The following STARD8 variants were observed in gnomAD, a reference collection of about 807,000 sequenced individuals.
The protein encoded by STARD8 is stAR-related lipid transfer protein 8.
Under a neutral mutation model 69.4 loss-of-function variants are expected in STARD8, and 25 were observed. That is an observed-to-expected ratio of 0.36 (90% confidence interval 0.26 to 0.50). STARD8 has a LOEUF of 0.50. STARD8 is among the 20% of genes least tolerant of loss of function. The pLI, the probability that STARD8 is intolerant of heterozygous loss-of-function variation, is 0.96. For synonymous variants in STARD8, 389 were observed against 374.6 expected (o/e 1.04, Z -0.45); for missense variants, 921 against 932.5 (o/e 0.99, Z 0.16).
At chrX:68,660,882 G>T in intron 1 of STARD8, among the ~76,000 whole-genome samples, 1 of 112,374 alleles carries the variant, frequency 8.9e-6, no homozygotes. Context: ...CTCAGGATAG[G>T]CCTGGGGGCG....
chrX:68,650,857 G>A (rs749197553), intron 1 of STARD8, among the ~76,000 whole-genome samples: 2 of 111,543 alleles, frequency 1.8e-5, no homozygotes, highest in Non-Finnish European at 3.8e-5. Flanking sequence ...GGCTAGGACA[G>A]CCCCAAGAGA....
At chrX:68,705,716 G>T (rs987626663) in intron 2 of STARD8, among the ~76,000 whole-genome samples, 2 of 112,545 alleles carry the variant, frequency 1.8e-5, no homozygotes, top group African/African-American at 6.5e-5. Context: ...GTCTGGGGCT[G>T]TCTGGTGTGG....
In STARD8 at chrX:68,722,700, C is replaced by A. The variant is rs1422968718; in HGVS notation, c.2799+54C>A. 3 of 1,132,736 alleles carry A rather than the reference C, an allele frequency of 2.6e-6. No homozygotes were observed. In the African/African-American group the frequency reaches 5.4e-5, roughly 20 times the overall value. 93.4% of individuals were successfully genotyped at this position (1,132,736 alleles called of 1,213,427 possible). On this transcript the variant is annotated intron_variant, in intron 12 of 14. Coordinates refer to ENST00000374599, the MANE Select transcript of STARD8 (RefSeq NM_001142503.3). ...TGGGGCTGGGAGAGCATGGTGCAGG[C>A]AAGGGTAGTCAGAGAACCCAAAGGA...
At chrX:68,668,099 T>TTCTG (rs1175900857) in intron 2 of STARD8, among the ~76,000 whole-genome samples, 1 of 98,569 alleles carries the variant, frequency 1.0e-5, no homozygotes, top group East Asian at 3.1e-4. Flanking sequence ...CTTTCTTTCT[T>TTCTG]TCTTTCTTTC....
intron 2 of STARD8, among the ~76,000 whole-genome samples, chrX:68,695,349 A>G (rs1676102716): frequency 9.0e-6 from 1 of 111,258 alleles, no homozygotes; most frequent in Admixed American, 9.5e-5. Flanking sequence ...CTAGCTGGAC[A>G]TTCTGGGCTG....
Position 68,719,384 on chromosome X carries a change from G to A in STARD8, c.1875G>A (p.Lys625=), listed in dbSNP as rs2080127838. ...AFMEKYTVPH[K]QGWVWSMPKF... ...TGGAGAAGTACACTGTGCCCCACAAGCAGGGCTGGGTCTGGTGAGTGGCTC... is the reference window on the plus strand; with the variant it reads ...TGGAGAAGTACACTGTGCCCCACAAACAGGGCTGGGTCTGGTGAGTGGCTC... The change falls in exon 7 of 15, where the codon AAG becomes AAA. Residue 625 remains lysine, a synonymous_variant. Coordinates refer to ENST00000374599, the MANE Select transcript of STARD8 (RefSeq NM_001142503.3). 5.1e-6 allele frequency: 6 copies of A among 1,183,264 alleles called. No homozygotes were observed. The highest frequency in any genetic ancestry group is 6.8e-6 in the Non-Finnish European group (6 of 880,386).
intron 2 of STARD8, among the ~76,000 whole-genome samples, chrX:68,699,449 A>G (rs773387578): frequency 3.8e-4 from 43 of 112,313 alleles, no homozygotes; most frequent in African/African-American, 1.3e-3. Context: ...TGTTGAACTT[A>G]ACTGTGCCTC....
rs1210071853 is a variant in STARD8 at position 68,723,679 on chromosome X, C to A, written c.2853C>A (p.Ala951=). 5.0e-6 allele frequency: 6 copies of A among 1,197,411 alleles called. No individual in the cohort carries two copies. The highest frequency in any genetic ancestry group is 4.5e-5 in the Admixed American group (2 of 44,590). Reference sequence around the variant, plus strand: ...GGAAGGCATCCACAGAGGTGGCAGCCCCCCCAGCTGTGGTGCTGCATCGTG... The same window carrying A: ...GGAAGGCATCCACAGAGGTGGCAGCACCCCCAGCTGTGGTGCTGCATCGTG... The part of the protein sequence containing the change: ...RLWKASTEVA[A]PPAVVLHRVL... The change falls in exon 13 of 15, where the codon GCC becomes GCA. Residue 951 remains alanine, a synonymous_variant. Coordinates refer to ENST00000374599, the MANE Select transcript of STARD8 (RefSeq NM_001142503.3).
At chrX:68,664,685 CCTT>C (rs1282438826) in intron 1 of STARD8, among the ~76,000 whole-genome samples, 1 of 111,674 alleles carries the variant, frequency 9.0e-6, no homozygotes, top group African/African-American at 3.3e-5. Context: ...AAAAGTTTCT[CCTT>C]CTTGGTTCTT....
chrX:68,659,973 A>G (rs774455789), intron 1 of STARD8, among the ~76,000 whole-genome samples: 9 of 110,867 alleles, frequency 8.1e-5, no homozygotes, highest in Non-Finnish European at 1.1e-4. Context: ...TCCTTAGGCT[A>G]TAGGTTGGGG....
At chrX:68,695,049 C>T (rs971158230) in intron 2 of STARD8, among the ~76,000 whole-genome samples, 6 of 110,911 alleles carry the variant, frequency 5.4e-5, no homozygotes, top group East Asian at 2.8e-4. Flanking sequence ...TCCTCCTGTG[C>T]GACCTGCTCC....
chrX:68,665,033 G>C (rs141905349), intron 1 of STARD8, among the ~76,000 whole-genome samples: 5 of 112,390 alleles, frequency 4.4e-5, no homozygotes, highest in African/African-American at 1.6e-4. Flanking sequence ...CAGTAAGCAG[G>C]GGAAGGTGAC....
intron 2 of STARD8, among the ~76,000 whole-genome samples, chrX:68,696,345 C>T (rs1308115471): frequency 1.8e-5 from 2 of 111,697 alleles, no homozygotes; most frequent in African/African-American, 3.3e-5. Context: ...TGTGTGCGCA[C>T]GTGTGCATGG....
chrX:68,670,060 A>G (rs1013062929), intron 2 of STARD8, among the ~76,000 whole-genome samples: 1 of 112,466 alleles, frequency 8.9e-6, no homozygotes, highest in African/African-American at 3.2e-5. Flanking sequence ...GCAACTTGGA[A>G]TAGTATAAAG....
chrX:68,691,494 C>T (rs2079876068), intron 2 of STARD8, among the ~76,000 whole-genome samples: 1 of 111,644 alleles, frequency 9.0e-6, no homozygotes, highest in Non-Finnish European at 1.9e-5. Flanking sequence ...GCTGAGCTCT[C>T]CTGGCCAGAA....
At chrX:68,714,031 G>A (rs1479937260) in intron 3 of STARD8, among the ~76,000 whole-genome samples, 1 of 111,768 alleles carries the variant, frequency 8.9e-6, no homozygotes, top group Non-Finnish European at 1.9e-5. Flanking sequence ...CCTCCAGAAC[G>A]TATCTTGAAT....
chrX:68,650,570 G>A (rs2079542060), intron 1 of STARD8, among the ~76,000 whole-genome samples: 1 of 106,828 alleles, frequency 9.4e-6, no homozygotes, highest in South Asian at 4.3e-4. Flanking sequence ...GGGATGCCGA[G>A]GCAGGTGGAT....
chrX:68,716,047 C>T lies in STARD8; in HGVS notation c.234-321C>T, dbSNP rs139560985. Among the ~76,000 whole-genome samples, 649 of 111,674 alleles carry T rather than the reference C, an allele frequency of 5.8e-3. 4 individuals are homozygous for T. The highest frequency in any genetic ancestry group is 7.6e-3 in the Non-Finnish European group (402 of 53,134). On this transcript the variant is annotated intron_variant, in intron 4 of 14. Transcript: ENST00000374599. ...ACCTTCAAAATCCCATTTGCATCCT[C>T]CAGGAAGCCTTCTCTGACTGCATCC...
intron 2 of STARD8, among the ~76,000 whole-genome samples, chrX:68,676,179 C>T (rs762503833): frequency 5.3e-5 from 6 of 112,251 alleles, no homozygotes; most frequent in East Asian, 5.6e-4. Context: ...GGGCAGGAGA[C>T]GGGCCTGGCT....
Sources: allele counts gnomAD v4.1 joint callset (sites outside exome capture counted in the v4.1 genomes callset), GRCh38; gene constraint gnomAD v4.1.1; transcripts MANE v1.5; gene names NCBI Gene and HGNC (gene_info 2026-07-23, HGNC 2026-07-21).